The following ASB2 variants were observed in gnomAD, a reference collection of about 807,000 sequenced individuals.
ASB2 encodes ankyrin repeat and SOCS box protein 2.
ASB2 carries 58 observed loss-of-function variants against 62.4 expected under a neutral mutation model. The ratio of observed to expected loss-of-function variants is 0.93; its 90% CI spans 0.75 to 1.16. The LOEUF is 1.16. ASB2 is among the 50% of genes most tolerant of loss of function. The pLI, the probability that ASB2 is intolerant of heterozygous loss-of-function variation, is 0.00. For missense variants in ASB2, 928 were observed against 887.9 expected, an observed-to-expected ratio of 1.05 and a Z score of -0.57; for synonymous variants, 386 against 385.3, an observed-to-expected ratio of 1.00 and a Z score of -0.02.
intron 5 of ASB2, among the ~76,000 whole-genome samples, chr14:93,951,611 G>A (rs1888971787): frequency 6.6e-6 from 1 of 152,228 alleles, no homozygotes; most frequent in Non-Finnish European, 1.5e-5. Flanking sequence ...CTTGCCCAAA[G>A]TCACACAGAT....
intron 1 of ASB2, chr14:93,970,058 A>T (rs377066367): frequency 6.6e-6 from 1 of 152,046 alleles, no homozygotes; most frequent in African/African-American, 2.4e-5. Flanking sequence ...TCCTCCTAGT[A>T]CCTTCCCCTC....
At chr14:93,935,732 C>T (rs1158484700) in intron 9 of ASB2, among the ~76,000 whole-genome samples, 1 of 152,202 alleles carries the variant, frequency 6.6e-6, no homozygotes, top group Non-Finnish European at 1.5e-5. Context: ...TGCAGCGTTG[C>T]CTAGCGAAGC....
intron 1 of ASB2, among the ~76,000 whole-genome samples, chr14:93,972,270 T>A (rs1381267699): frequency 7.9e-5 from 12 of 151,994 alleles, no homozygotes; most frequent in Non-Finnish European, 1.8e-4. Context: ...CTGCCAAAAC[T>A]TATCTTTCTG....
chr14:93,959,933 C>T (rs564904770), intron 2 of ASB2, among the ~76,000 whole-genome samples: 16 of 151,294 alleles, frequency 1.1e-4, no homozygotes, highest in Admixed American at 5.3e-4. Context: ...GCCCCACGCC[C>T]GCCAACATGT....
chr14:93,951,187 G>C lies in ASB2; in HGVS notation c.692C>G (p.Thr231Ser), dbSNP rs1888954869. The change falls in exon 6 of 10, where the codon ACC (threonine) becomes AGC (serine). Residue 231 changes from threonine to serine, a missense_variant. Thr to Ser is a moderately conservative substitution (Grantham distance 58). Coordinates refer to ENST00000555019, the MANE Select transcript of ASB2 (RefSeq NM_001202429.2). ...CCAGCCGCGGTTGCAGCGGTGGTTG[G>C]TGTCTGCATTGTGCTGCACCAGAAT... Reference protein sequence around the residue: ...VKILVQHNADTNHRCNRGWTA... With the variant: ...VKILVQHNADSNHRCNRGWTA... 7 of 1,613,490 alleles carry C rather than the reference G, an allele frequency of 4.3e-6. No homozygotes were observed. In the East Asian group the frequency reaches 1.6e-4, roughly 36 times the overall value.
At chr14:93,964,708 C>T (rs1889530465) in intron 1 of ASB2, 96 bp from the exon 2 acceptor site, 1 of 638,808 alleles carries the variant, frequency 1.6e-6, no homozygotes, top group African/African-American at 1.8e-5. Context: ...GACAGTAACA[C>T]ATTCATTTCT....
Position 93,934,591 on chromosome 14 carries a change from C to T in ASB2, c.*65G>A. On this transcript the variant is annotated 3_prime_UTR_variant, in exon 10 of 10. Transcript: ENST00000555019. Reference sequence around the variant, plus strand: ...CACCAGGTCCCCTTGGAGTTGGGAACACCGACGTCCTGAGACTTAGTAAGA... The same window carrying T: ...CACCAGGTCCCCTTGGAGTTGGGAATACCGACGTCCTGAGACTTAGTAAGA... 1.9e-6 allele frequency: 3 copies of T among 1,563,488 alleles called. No homozygotes were observed. Among genetic ancestry groups the T allele is most frequent in the African/African-American group, 1.4e-5 (1 of 73,872 alleles).
At chr14:93,961,023 A>T (rs1482555602) in intron 2 of ASB2, among the ~76,000 whole-genome samples, 1 of 152,190 alleles carries the variant, frequency 6.6e-6, no homozygotes, top group Non-Finnish European at 1.5e-5. Flanking sequence ...CTAGGAGGTC[A>T]CAGTCTAGTT....
chr14:93,953,485 C>T lies in ASB2; in HGVS notation c.501G>A (p.Gln167=). Reference sequence around the variant, plus strand: ...CGGCTGTTTCCTCCTGCAGGGTGCGCTGGTCGATGGTCCCTGGGTACGCTA... The same window carrying T: ...CGGCTGTTTCCTCCTGCAGGGTGCGTTGGTCGATGGTCCCTGGGTACGCTA... The part of the protein sequence containing the change: ...LQRAYPGTID[Q]RTLQEETAVY... Residue 167 remains glutamine, a synonymous_variant, in exon 5 of 10, where the codon CAG becomes CAA. Coordinates refer to ENST00000555019, the MANE Select transcript of ASB2 (RefSeq NM_001202429.2). 6.3e-7 allele frequency: 1 copy of T among 1,598,566 alleles called. No homozygotes were observed. Among genetic ancestry groups the T allele is most frequent in the Non-Finnish European group, 8.6e-7 (1 of 1,168,096 alleles).
intron 3 of ASB2, chr14:93,955,533 G>T (rs1044529939): frequency 1.1e-5 from 2 of 179,190 alleles, no homozygotes; most frequent in Non-Finnish European, 2.4e-5. Flanking sequence ...GCCCAGTGGG[G>T]GTATGTGCCC....
At chr14:93,963,293 A>C (rs1889471934) in intron 2 of ASB2, among the ~76,000 whole-genome samples, 1 of 151,882 alleles carries the variant, frequency 6.6e-6, no homozygotes, top group Non-Finnish European at 1.5e-5. Flanking sequence ...TGCTGTACAC[A>C]ATGAGATTTG....
Position 93,934,795 on chromosome 14 carries a change from G to GA in ASB2, c.1772-4dup, listed in dbSNP as rs763322044. 5 of 1,611,282 alleles carry GA rather than the reference G, an allele frequency of 3.1e-6. No homozygotes were observed. Among genetic ancestry groups the GA allele is most frequent in the Non-Finnish European group, 4.2e-6 (5 of 1,177,856 alleles). Reference sequence around the variant, plus strand: ...GTGAGCCAGAGGTCTTGGAGGTTCTGAAAAAAGGAGGGAAAGACAGAGGCT... The same window carrying GA: ...GTGAGCCAGAGGTCTTGGAGGTTCTGAAAAAAAGGAGGGAAAGACAGAGGCT... On this transcript the variant is annotated splice_region_variant and splice_polypyrimidine_tract_variant and intron_variant, in intron 9 of 9. Transcript: ENST00000555019.
At chr14:93,953,570 C>T (rs1889059812) in intron 4 of ASB2, 63 bp from the exon 5 acceptor site, 1 of 1,388,966 alleles carries the variant, frequency 7.2e-7, no homozygotes, top group Admixed American at 2.4e-5. Context: ...AACACAGAGG[C>T]TTTCCCGATT....
rs1888770812 is a variant in ASB2, at chr14:93,947,432, C to G, written c.969G>C (p.Leu323=). The change falls in exon 7 of 10, where the codon CTG becomes CTC. Residue 323 remains leucine, a synonymous_variant. Coordinates refer to ENST00000555019, the MANE Select transcript of ASB2 (RefSeq NM_001202429.2). ...KNEHEEVVEF[L]LSQGADANKT... is the part of the protein sequence containing the mutation. ...TGTTGGCGTCGGCACCCTGTGACAG[C>G]AGAAACTCCACCACCTCCTCATGCT... 1.2e-6 allele frequency: 2 copies of G among 1,614,134 alleles called. No homozygotes were observed. Among genetic ancestry groups the G allele is most frequent in the African/African-American group, 2.7e-5 (2 of 74,944 alleles).
At chr14:93,968,005 G>T (rs991056893) in intron 1 of ASB2, among the ~76,000 whole-genome samples, 4 of 152,218 alleles carry the variant, frequency 2.6e-5, no homozygotes, top group Admixed American at 2.6e-4. Flanking sequence ...TAGGCAGCTT[G>T]TAAGGGGTAA....
chr14:93,957,680 A>T (rs923566321), intron 2 of ASB2, among the ~76,000 whole-genome samples: 3 of 151,946 alleles, frequency 2.0e-5, no homozygotes, highest in Admixed American at 2.0e-4. Flanking sequence ...ACATGTACTC[A>T]CTCTTCATTT....
At position 93,939,378 on chromosome 14, in the gene ASB2, G is replaced by C; in HGVS notation, c.1347C>G (p.Ile449Met). The C allele has an allele frequency of 1.9e-6, 3 of 1,612,876 alleles. No individual in the cohort carries two copies. Among genetic ancestry groups the C allele is most frequent in the African/African-American group, 1.3e-5 (1 of 75,066 alleles). Residue 449 changes from isoleucine (I) to methionine (M), a missense_variant, in exon 8 of 10, where the codon ATC (isoleucine) becomes ATG (methionine). Coordinates refer to ENST00000555019, the MANE Select transcript of ASB2 (RefSeq NM_001202429.2). The part of the protein sequence containing the change: ...RDVISPLLVA[I>M]RHGCLRTMQL... ...GCATTGTGCGCAGGCAGCCGTGGCG[G>C]ATGGCCACGAGCAAGGGGCTGATGA...
At chr14:93,955,049 AG>A (rs769466860) in intron 3 of ASB2, 2 of 456,744 alleles carry the variant, frequency 4.4e-6, no homozygotes, top group Non-Finnish European at 8.8e-6. Context: ...GGCTTGTTAA[AG>A]TCCCTTTGTT....
At chr14:93,956,722 G>C (rs78195077) in intron 3 of ASB2, 44 bp downstream of exon 3, 26,861 of 1,607,968 alleles carry the variant, frequency 0.017, 292 homozygotes, top group Non-Finnish European at 0.02. Flanking sequence ...CCCAGTTAGC[G>C]GAGTGAACTT....
Sources: gnomAD v4.1 joint callset for allele counts (sites outside exome capture counted in the v4.1 genomes callset) on GRCh38, gnomAD v4.1.1 for gene constraint, MANE v1.5 for transcripts, NCBI Gene and HGNC (gene_info 2026-07-23, HGNC 2026-07-21) for gene names.